The following CGGBP1 variants were observed in gnomAD, a reference collection of about 807,000 sequenced individuals.
CGGBP1 encodes CGG triplet repeat-binding protein 1.
A neutral mutation model predicts 11.4 loss-of-function variants in CGGBP1; 4 were observed. The observed-to-expected ratio is 0.35, with a 90% confidence interval of 0.17 to 0.80. The LOEUF is 0.80. Among genes scored for constraint, CGGBP1 ranks in the 30% least tolerant of loss-of-function variants. The pLI is 0.52. For synonymous variants in CGGBP1, 76 were observed against 74.1 expected, an observed-to-expected ratio of 1.03 and a Z score of -0.13; for missense variants, 135 against 202.1, an observed-to-expected ratio of 0.67 and a Z score of 2.01.
intron 2 of CGGBP1, among the ~76,000 whole-genome samples, chr3:88,071,804 CA>C (rs1394876489): frequency 2.0e-5 from 3 of 149,524 alleles, no homozygotes; most frequent in Admixed American, 6.6e-5. Flanking sequence ...GACTCCGTCT[CA>C]AAAAAAAAAT....
chr3:88,082,159 G>A (rs1231801446), intron 2 of CGGBP1, among the ~76,000 whole-genome samples: 1 of 149,240 alleles, frequency 6.7e-6, no homozygotes, highest in African/African-American at 2.5e-5. Context: ...ATGGAGTCTC[G>A]CTTTGTTGCC....
upstream of CGGBP1, chr3:88,059,151 C>T: frequency 1.5e-6 from 2 of 1,302,208 alleles, no homozygotes; most frequent in Non-Finnish European, 2.0e-6. Flanking sequence ...CCAATAAAAA[C>T]TGGGGGCGTG....
At chr3:88,099,648 C>T (rs1375053269) in intron 2 of CGGBP1, among the ~76,000 whole-genome samples, 1 of 152,114 alleles carries the variant, frequency 6.6e-6, no homozygotes, top group Admixed American at 6.6e-5. Context: ...TGGAACAGGA[C>T]AGAGCCCTCA....
intron 2 of CGGBP1, among the ~76,000 whole-genome samples, chr3:88,113,722 C>G (rs1278180126): frequency 6.6e-6 from 1 of 152,082 alleles, no homozygotes; most frequent in Non-Finnish European, 1.5e-5. Flanking sequence ...GGAAGCAACC[C>G]TGACCCACTC....
chr3:88,097,347 A>T (rs896959191), intron 2 of CGGBP1, among the ~76,000 whole-genome samples: 2 of 151,440 alleles, frequency 1.3e-5, no homozygotes, highest in African/African-American at 4.8e-5. Flanking sequence ...CAGTTTTCTC[A>T]CACCTTTGTC....
intron 2 of CGGBP1, among the ~76,000 whole-genome samples, chr3:88,119,099 G>A (rs1279740405): frequency 2.0e-5 from 3 of 148,522 alleles, no homozygotes; most frequent in Non-Finnish European, 3.0e-5. Context: ...TGTTTACTGC[G>A]GCATTATTCA....
At chr3:88,129,629 C>T (rs1177276060) in intron 2 of CGGBP1, 7 of 1,254,786 alleles carry the variant, frequency 5.6e-6, no homozygotes, top group African/African-American at 1.5e-5. Context: ...ACATTTATTG[C>T]AACTAGCTTC....
chr3:88,136,370 T>G (rs1334099136), intron 2 of CGGBP1, among the ~76,000 whole-genome samples: 1 of 152,190 alleles, frequency 6.6e-6, no homozygotes, highest in Non-Finnish European at 1.5e-5. Flanking sequence ...ATTAAAAATA[T>G]GATGCTTAAT....
chr3:88,113,285 C>T (rs1705202095), intron 2 of CGGBP1: 1 of 750,618 alleles, frequency 1.3e-6, no homozygotes, highest in Admixed American at 3.3e-5. Flanking sequence ...GTTATTATTG[C>T]TTATAAGTTT....
At chr3:88,146,573 G>A (rs1707316581) in intron 1 of CGGBP1, among the ~76,000 whole-genome samples, 2 of 152,120 alleles carry the variant, frequency 1.3e-5, no homozygotes, top group Non-Finnish European at 2.9e-5. Context: ...TATCGTTGTG[G>A]AGAGTTATAC....
At chr3:88,090,201 G>A (rs1319563367) in intron 2 of CGGBP1, among the ~76,000 whole-genome samples, 1 of 152,092 alleles carries the variant, frequency 6.6e-6, no homozygotes, top group African/African-American at 2.4e-5. Context: ...TCTTCTGAAG[G>A]CATTCCAGAA....
chr3:88,097,547 T>C (rs1207907475), intron 2 of CGGBP1, among the ~76,000 whole-genome samples: 3 of 151,970 alleles, frequency 2.0e-5, no homozygotes, highest in Admixed American at 6.6e-5. Context: ...CAACACCACA[T>C]CACACTTATT....
intron 2 of CGGBP1, among the ~76,000 whole-genome samples, chr3:88,103,474 A>G (rs1417300128): frequency 6.6e-6 from 1 of 152,216 alleles, no homozygotes; most frequent in Admixed American, 6.5e-5. Context: ...AGAGTGTCTA[A>G]GAATTTAGGA....
intron 2 of CGGBP1, among the ~76,000 whole-genome samples, chr3:88,065,352 G>A (rs1268652839): frequency 1.3e-5 from 2 of 151,978 alleles, no homozygotes; most frequent in Non-Finnish European, 2.9e-5. Flanking sequence ...TGTTCATAAT[G>A]ACGTTGTTTG....
intron 2 of CGGBP1, chr3:88,140,587 G>A: frequency 6.2e-7 from 1 of 1,613,702 alleles, no homozygotes; most frequent in Non-Finnish European, 8.5e-7. Context: ...AATTGTAGTA[G>A]TAGTGATATA....
chr3:88,111,955 T>C (rs1331544690), intron 2 of CGGBP1, among the ~76,000 whole-genome samples: 6 of 151,986 alleles, frequency 3.9e-5, no homozygotes. Flanking sequence ...GCATTTACTT[T>C]CTGCGAAATA....
intron 2 of CGGBP1, among the ~76,000 whole-genome samples, chr3:88,072,341 T>C (rs1476080997): frequency 6.6e-6 from 1 of 152,204 alleles, no homozygotes; most frequent in Non-Finnish European, 1.5e-5. Context: ...TTTAAAGGTA[T>C]GAGTGAGGCC....
chr3:88,084,244 C>G (rs1268238835), intron 2 of CGGBP1, among the ~76,000 whole-genome samples: 4 of 152,140 alleles, frequency 2.6e-5, no homozygotes, highest in African/African-American at 9.7e-5. Flanking sequence ...TAGAAAGCTT[C>G]TCTTCTAAGG....
chr3:88,112,246 T>C (rs944102488), intron 2 of CGGBP1, among the ~76,000 whole-genome samples: 8 of 150,240 alleles, frequency 5.3e-5, no homozygotes, highest in African/African-American at 1.9e-4. Flanking sequence ...CATTTTATAA[T>C]TTTAGTCTAT....
Sources: gnomAD v4.1 joint callset for allele counts (sites outside exome capture counted in the v4.1 genomes callset) on GRCh38, gnomAD v4.1.1 for gene constraint, MANE v1.5 for transcripts, NCBI Gene and HGNC (gene_info 2026-07-23, HGNC 2026-07-21) for gene names.